SPECC1: variants seen among roughly 807,000 people sequenced by gnomAD.
The protein encoded by SPECC1 is sperm antigen with calponin homology and coiled-coil domains 1.
Under a neutral mutation model 104.1 loss-of-function variants are expected in SPECC1, and 62 were observed. That is an observed-to-expected ratio of 0.60 (90% CI 0.49 to 0.74). SPECC1 has a LOEUF of 0.74. Among genes scored for constraint, SPECC1 ranks in the 30% least tolerant of loss-of-function variants. The probability of loss-of-function intolerance (pLI) is 0.00; values close to 1 mark genes in which losing one functional copy is unlikely to be tolerated. For missense variants in SPECC1, 1,306 were observed against 1,310.5 expected (o/e 1.00, Z 0.05); for synonymous variants, 513 against 501.6 (o/e 1.02, Z -0.30).
chr17:20,219,587 G>A (rs1353798400), intron 4 of SPECC1, among the ~76,000 whole-genome samples: 5 of 151,940 alleles, frequency 3.3e-5, no homozygotes, highest in Admixed American at 6.6e-5. Context: ...ATTCCTTATC[G>A]GATGGGTAGT....
intron 12 of SPECC1, among the ~76,000 whole-genome samples, chr17:20,266,860 C>A (rs184007076): frequency 5.1e-4 from 77 of 152,270 alleles, no homozygotes; most frequent in African/African-American, 1.8e-3. Flanking sequence ...GCTTTGGTGT[C>A]TGCATGAAGC....
intron 1 of SPECC1, among the ~76,000 whole-genome samples, chr17:20,042,888 C>T (rs1262351513): frequency 6.6e-6 from 1 of 152,150 alleles, no homozygotes; most frequent in Non-Finnish European, 1.5e-5. Flanking sequence ...TCTTCCCCTT[C>T]CAGAACCTTC....
chr17:20,215,649 C>G (rs1487488971), intron 4 of SPECC1, among the ~76,000 whole-genome samples: 1 of 152,192 alleles, frequency 6.6e-6, no homozygotes, highest in African/African-American at 2.4e-5. Flanking sequence ...CATAATTCTT[C>G]AAGATACTGT....
At chr17:20,121,012 T>C (rs1297415213) in intron 3 of SPECC1, among the ~76,000 whole-genome samples, 3 of 152,216 alleles carry the variant, frequency 2.0e-5, no homozygotes, top group Non-Finnish European at 2.9e-5. Context: ...TTCCAGTTTC[T>C]GGTTTCCAGG....
intron 7 of SPECC1, 26 bp from the exon 8 acceptor site, chr17:20,245,900 A>G (rs778610386): frequency 6.2e-7 from 1 of 1,611,812 alleles, no homozygotes; most frequent in Non-Finnish European, 8.5e-7. Context: ...CCATCTTTTC[A>G]ATCTGATTTG....
chr17:20,299,790 A>G (rs962048459), intron 13 of SPECC1, among the ~76,000 whole-genome samples: 2 of 152,138 alleles, frequency 1.3e-5, no homozygotes, highest in Non-Finnish European at 2.9e-5. Context: ...AATCATGTGA[A>G]GTCTGAGGGG....
At chr17:20,098,376 C>T (rs2047754142) in intron 2 of SPECC1, among the ~76,000 whole-genome samples, 1 of 152,240 alleles carries the variant, frequency 6.6e-6, no homozygotes, top group Non-Finnish European at 1.5e-5. Context: ...CCCACTGCCT[C>T]CCTTGTGACC....
At chr17:20,113,152 T>G (rs2048577763) in intron 3 of SPECC1, among the ~76,000 whole-genome samples, 3 of 152,080 alleles carry the variant, frequency 2.0e-5, no homozygotes, top group African/African-American at 4.8e-5. Context: ...GGGAAAAAAT[T>G]GACTTTTTTT....
In SPECC1 at chr17:20,317,285, G is replaced by A. The variant is rs1253742588; in HGVS notation, c.*3220G>A. 4.6e-4 allele frequency: 8 copies of A among 17,234 alleles called. No homozygotes were observed. Among genetic ancestry groups the A allele is most frequent in the Non-Finnish European group, 7.1e-4 (8 of 11,224 alleles). The allele number at this position is 17,234 out of a possible 1,614,324, so 1.1% of individuals were successfully genotyped here. A position where few individuals can be genotyped will look rare whatever the true frequency, so the allele number is the denominator to read the frequency against. On this transcript the variant is annotated 3_prime_UTR_variant, in exon 15 of 15. Transcript: ENST00000395527. ...TTTTTTTTTTTTTTTTTTTTTGAGA[G>A]AGCGTCTCACTTCTCTGTCACCCAG...
intron 12 of SPECC1, among the ~76,000 whole-genome samples, chr17:20,281,985 G>C (rs985104374): frequency 1.3e-5 from 2 of 152,318 alleles, no homozygotes; most frequent in Non-Finnish European, 2.9e-5. Flanking sequence ...GCCTGCGTTC[G>C]GGTGCTGTGT....
At chr17:20,236,126 T>G (rs2038897007) in intron 7 of SPECC1, among the ~76,000 whole-genome samples, 2 of 152,170 alleles carry the variant, frequency 1.3e-5, no homozygotes, top group African/African-American at 4.8e-5. Flanking sequence ...CCACAGATGC[T>G]CTGATACTGA....
chr17:20,101,764 C>T (rs776636669), intron 2 of SPECC1, among the ~76,000 whole-genome samples: 11 of 152,154 alleles, frequency 7.2e-5, no homozygotes, highest in Non-Finnish European at 1.5e-4. Flanking sequence ...TCACTATGAG[C>T]GGGACAAAGG....
At chr17:20,210,668 C>T (rs2151380099) in intron 4 of SPECC1, among the ~76,000 whole-genome samples, 1 of 152,312 alleles carries the variant, frequency 6.6e-6, no homozygotes. Flanking sequence ...GGGGGATGGG[C>T]ACTTGCCCCA....
At chr17:20,213,510 A>G (rs574738585) in intron 4 of SPECC1, among the ~76,000 whole-genome samples, 1 of 152,360 alleles carries the variant, frequency 6.6e-6, no homozygotes, top group East Asian at 1.9e-4. Flanking sequence ...TCTTAAGGCC[A>G]AAGCCCTTTG....
chr17:20,192,894 C>G (rs1194468155), intron 3 of SPECC1, among the ~76,000 whole-genome samples: 9 of 152,140 alleles, frequency 5.9e-5, no homozygotes, highest in African/African-American at 2.2e-4. Flanking sequence ...GGGGCCCGAT[C>G]CAGACCTTAA....
At chr17:20,271,789 T>C (rs1469384894) in intron 12 of SPECC1, among the ~76,000 whole-genome samples, 1 of 152,080 alleles carries the variant, frequency 6.6e-6, no homozygotes, top group East Asian at 1.9e-4. Flanking sequence ...TGTTTTTTTT[T>C]CCCTTCAGTA....
At chr17:20,167,002 T>G (rs2033705769) in intron 3 of SPECC1, among the ~76,000 whole-genome samples, 1 of 151,856 alleles carries the variant, frequency 6.6e-6, no homozygotes, top group South Asian at 2.1e-4. Flanking sequence ...TCCCAGCTAC[T>G]CAGGAGGCTG....
chr17:20,303,827 C>T (rs1444909273), intron 13 of SPECC1, among the ~76,000 whole-genome samples: 4 of 151,810 alleles, frequency 2.6e-5, no homozygotes, highest in Non-Finnish European at 5.9e-5. Flanking sequence ...GTAGTGGGCG[C>T]GTGTAGTCCC....
At chr17:20,048,479 C>T (rs530232820) in intron 1 of SPECC1, among the ~76,000 whole-genome samples, 6 of 152,182 alleles carry the variant, frequency 3.9e-5, no homozygotes, top group Admixed American at 3.9e-4. Flanking sequence ...TTTTGTTCAG[C>T]AAATTCCTGT....
Sources: gnomAD v4.1 joint callset for allele counts (sites outside exome capture counted in the v4.1 genomes callset) on GRCh38, gnomAD v4.1.1 for gene constraint, MANE v1.5 for transcripts, NCBI Gene and HGNC (gene_info 2026-07-23, HGNC 2026-07-21) for gene names.